Variants in CCNH observed in about 807,000 individuals in gnomAD.
CCNH encodes cyclin-H.
In CCNH, 31 loss-of-function variants were observed where a neutral mutation model predicts 41.9. The ratio of observed to expected loss-of-function variants is 0.74; its 90% CI spans 0.56 to 1.00. CCNH has a LOEUF of 1.00. CCNH is among the 50% of genes least tolerant of loss of function. The probability of loss-of-function intolerance (pLI) is 0.00; values close to 1 mark genes in which losing one functional copy is unlikely to be tolerated. For synonymous variants in CCNH, 138 were observed against 136.1 expected (o/e 1.01, Z -0.10); for missense variants, 362 against 388.4 (o/e 0.93, Z 0.57).
the CCNH span, among the ~76,000 whole-genome samples, chr5:87,311,605 A>AT: frequency 3.3e-5 from 5 of 152,242 alleles, no homozygotes; most frequent in Admixed American, 3.3e-4. Context: ...GGGGAGTCAT[A>AT]GAGACAGTGC....
chr5:87,407,286 T>C (rs1041938604), intron 4 of CCNH, among the ~76,000 whole-genome samples: 2 of 152,284 alleles, frequency 1.3e-5, no homozygotes, highest in Non-Finnish European at 2.9e-5. Context: ...CTAAAACCTT[T>C]AGATTGTAAG....
chr5:87,326,845 C>T (rs558930846), intron 9 of CCNH, among the ~76,000 whole-genome samples: 5 of 152,230 alleles, frequency 3.3e-5, no homozygotes, highest in African/African-American at 1.2e-4. Flanking sequence ...GAGAAAATTT[C>T]CTCCTAAAAT....
chr5:87,391,184 C>T (rs900556819), downstream of CCNH: 9 of 487,030 alleles, frequency 1.8e-5, no homozygotes, highest in African/African-American at 5.7e-5. Context: ...CTTGATATCT[C>T]GAACTTTCAA....
At chr5:87,328,455 T>C (rs1757391674) in intron 9 of CCNH, among the ~76,000 whole-genome samples, 1 of 152,228 alleles carries the variant, frequency 6.6e-6, no homozygotes, top group Non-Finnish European at 1.5e-5. Flanking sequence ...TTCTTTGTAA[T>C]TTTATTGCTG....
At chr5:87,382,880 G>T (rs560972283) in intron 9 of CCNH, among the ~76,000 whole-genome samples, 2 of 151,574 alleles carry the variant, frequency 1.3e-5, no homozygotes, top group East Asian at 3.9e-4. Flanking sequence ...CCAGGAATTT[G>T]AAATTGTCCT....
intron 9 of CCNH, among the ~76,000 whole-genome samples, chr5:87,329,435 C>A (rs1295419982): frequency 2.6e-5 from 4 of 151,922 alleles, no homozygotes; most frequent in Non-Finnish European, 4.4e-5. Flanking sequence ...GAGTGAGACT[C>A]CCGTCTTAAA....
intron 4 of CCNH, among the ~76,000 whole-genome samples, chr5:87,406,221 A>G (rs747081850): frequency 1.3e-5 from 2 of 152,098 alleles, no homozygotes; most frequent in African/African-American, 2.4e-5. Context: ...TATTCCCTCT[A>G]AGGCCAGTTC....
chr5:87,361,152 T>C lies in CCNH; in HGVS notation c.*90+31618A>G, dbSNP rs75211544. Among the ~76,000 whole-genome samples, 1,144 of 152,290 alleles carry C rather than the reference T, an allele frequency of 7.5e-3. 17 individuals are homozygous for C. Among genetic ancestry groups the C allele is most frequent in the African/African-American group, 0.027 (1,106 of 41,568 alleles). On this transcript the variant is annotated intron_variant and NMD_transcript_variant, in intron 9 of 9. Transcript: ENST00000645953. ...AGTTCATTTAGTGTGTCCACTAAAG[T>C]CTGTCTTTTTATCTGGAAGCAACCA...
At chr5:87,332,186 T>C (rs1383612839) in intron 9 of CCNH, among the ~76,000 whole-genome samples, 3 of 152,132 alleles carry the variant, frequency 2.0e-5, no homozygotes, top group Non-Finnish European at 2.9e-5. Flanking sequence ...ATAAAACTTA[T>C]TAAATTGTTA....
downstream of CCNH, among the ~76,000 whole-genome samples, chr5:87,387,768 T>C (rs1762163499): frequency 6.6e-6 from 1 of 152,182 alleles, no homozygotes; most frequent in African/African-American, 2.4e-5. Flanking sequence ...TGAAAAATTA[T>C]GGCATAGCTC....
chr5:87,396,074 T>C (rs567749468), intron 7 of CCNH, among the ~76,000 whole-genome samples: 11 of 150,522 alleles, frequency 7.3e-5, no homozygotes, highest in Non-Finnish European at 1.5e-4. Context: ...GTACTGAACA[T>C]GTACAGAATT....
Position 87,337,841 on chromosome 5 carries a change from T to A in CCNH, c.*91-18944A>T, listed in dbSNP as rs146710956. On this transcript the variant is annotated intron_variant and NMD_transcript_variant, in intron 9 of 9. Transcript: ENST00000645953. ...ATAATGCCAGAAATAGGATACAAAT[T>A]TAGGGTGTTTGACTCTAATTCCTTA... 147 of 906,672 alleles carry A rather than the reference T, an allele frequency of 1.6e-4. No homozygotes were observed. The East Asian group carries it at 4.3e-3, about 26-fold the overall frequency. The allele number at this position is 906,672 out of a possible 1,614,324, so 56.2% of individuals were successfully genotyped here.
chr5:87,362,777 G>A (rs11957884), intron 9 of CCNH: 1 of 1,310,860 alleles, frequency 7.6e-7, no homozygotes, highest in Non-Finnish European at 1.1e-6. Flanking sequence ...TGAGTTATTA[G>A]TAATTGACAC....
At chr5:87,385,319 C>T in intron 9 of CCNH, 1 of 1,609,884 alleles carries the variant, frequency 6.2e-7, no homozygotes, top group Admixed American at 1.7e-5. Flanking sequence ...TCTCCTATTG[C>T]TGCAAGAACA....
At chr5:87,378,270 G>A (rs545972672), upstream of CCNH, 31 of 1,071,990 alleles carry the variant, frequency 2.9e-5, no homozygotes, top group African/African-American at 2.5e-4. Context: ...TACTTTCAAC[G>A]CTGCACGCAA....
At chr5:87,349,497 ATAG>A (rs1580326274) in intron 9 of CCNH, 3 of 1,027,454 alleles carry the variant, frequency 2.9e-6, no homozygotes, top group East Asian at 2.6e-5. Context: ...ATATAATTTC[ATAG>A]TAGTCATGCC....
downstream of CCNH, chr5:87,387,007 A>G: frequency 2.8e-6 from 3 of 1,074,150 alleles, no homozygotes; most frequent in Non-Finnish European, 4.1e-6. Context: ...ATCCAAAACT[A>G]AAAAGACAAA....
chr5:87,324,508 A>C (rs931431958), intron 9 of CCNH, among the ~76,000 whole-genome samples: 5 of 152,200 alleles, frequency 3.3e-5, no homozygotes, highest in Non-Finnish European at 7.3e-5. Flanking sequence ...AGTGTATGAT[A>C]GTGCTGTTTC....
chr5:87,319,421 A>G (rs541922078), intron 9 of CCNH, among the ~76,000 whole-genome samples: 1 of 152,252 alleles, frequency 6.6e-6, no homozygotes, highest in South Asian at 2.1e-4. Context: ...AGGCATTTCC[A>G]TACATCCTCT....
Sources: gnomAD v4.1 joint callset for allele counts (sites outside exome capture counted in the v4.1 genomes callset) on GRCh38, gnomAD v4.1.1 for gene constraint, MANE v1.5 for transcripts, NCBI Gene and HGNC (gene_info 2026-07-23, HGNC 2026-07-21) for gene names.